Variants in GPM6A observed in about 807,000 individuals in gnomAD.
GPM6A encodes neuronal membrane glycoprotein M6-a.
Under a neutral mutation model 32.1 loss-of-function variants are expected in GPM6A, and 7 were observed. That is an observed-to-expected ratio of 0.22 (90% CI 0.12 to 0.41). The LOEUF (loss-of-function observed/expected upper bound fraction) is 0.41. Among genes scored for constraint, GPM6A ranks in the 10% least tolerant of loss-of-function variants. The pLI is 1.00. For synonymous variants in GPM6A, 130 were observed against 123.4 expected, an observed-to-expected ratio of 1.05 and a Z score of -0.35; for missense variants, 235 against 347.2, an observed-to-expected ratio of 0.68 and a Z score of 2.57.
chr4:175,637,305 TATATATA>T (rs558226412), intron 6 of GPM6A, among the ~76,000 whole-genome samples: 13 of 78,744 alleles, frequency 1.7e-4, no homozygotes, highest in African/African-American at 4.6e-4. Context: ...TATTATATAT[TATATATA>T]ATATAAAATA....
intron 1 of GPM6A, among the ~76,000 whole-genome samples, chr4:175,742,546 A>T (rs972296194): frequency 6.6e-6 from 1 of 152,208 alleles, no homozygotes; most frequent in African/African-American, 2.4e-5. Flanking sequence ...TCTATTATTC[A>T]GAAAAGAATA....
At chr4:175,769,026 T>C (rs550714636) in intron 1 of GPM6A, among the ~76,000 whole-genome samples, 86 of 151,632 alleles carry the variant, frequency 5.7e-4, no homozygotes, top group Middle Eastern at 3.4e-3. Context: ...ACCCGGGAGG[T>C]GGAGGTTGCA....
chr4:175,704,740 T>C (rs1054992751), intron 1 of GPM6A, among the ~76,000 whole-genome samples: 4 of 152,202 alleles, frequency 2.6e-5, no homozygotes, highest in African/African-American at 7.2e-5. Context: ...AGATTTCTAC[T>C]GCAGACAATC....
chr4:175,643,102 G>A (rs777954957), intron 4 of GPM6A, among the ~76,000 whole-genome samples: 17 of 151,918 alleles, frequency 1.1e-4, no homozygotes, highest in Non-Finnish European at 1.9e-4. Context: ...TAATCAGACC[G>A]ATTCTTCCCA....
intron 1 of GPM6A, among the ~76,000 whole-genome samples, chr4:175,894,321 A>G (rs1737732504): frequency 6.6e-6 from 1 of 152,184 alleles, no homozygotes; most frequent in Non-Finnish European, 1.5e-5. Context: ...GAAATCATCT[A>G]TATCTAATCT....
chr4:175,809,462 T>C (rs545234756), intron 1 of GPM6A, among the ~76,000 whole-genome samples: 1 of 152,064 alleles, frequency 6.6e-6, no homozygotes, highest in Non-Finnish European at 1.5e-5. Context: ...TTAGAGGCCA[T>C]GTTTTACCAA....
At chr4:175,690,885 A>G (rs1282826209) in intron 2 of GPM6A, among the ~76,000 whole-genome samples, 1 of 152,250 alleles carries the variant, frequency 6.6e-6, no homozygotes, top group African/African-American at 2.4e-5. Context: ...TTGAAGTTGA[A>G]TGCTAATTCC....
chr4:175,962,438 A>G lies in GPM6A; in HGVS notation c.-23+39871T>C. On this transcript the variant is annotated intron_variant, in intron 1 of 7. Coordinates refer to the GPM6A transcript ENST00000280187. ...GGGAGCAAAAGCAAGCCTGCCACCA[A>G]CCTAGGACAATAAGGCAACCTTTTT... is the stretch of plus-strand genomic sequence containing the variant. 2.9e-6 allele frequency: 2 copies of G among 693,328 alleles called. 1 individual carries two copies. Among genetic ancestry groups the G allele is most frequent in the South Asian group, 2.8e-5 (2 of 71,970 alleles). 42.9% of individuals were successfully genotyped at this position (693,328 alleles called of 1,614,324 possible). A position where few individuals can be genotyped will look rare whatever the true frequency, so the allele number is the denominator to read the frequency against.
chr4:175,761,473 T>C (rs1378922390), intron 1 of GPM6A, among the ~76,000 whole-genome samples: 1 of 152,204 alleles, frequency 6.6e-6, no homozygotes, highest in Non-Finnish European at 1.5e-5. Context: ...ACAATGTTAC[T>C]ATAACCTAAT....
Position 175,660,600 on chromosome 4 carries a change from T to G in GPM6A, c.388-8613A>C, listed in dbSNP as rs148443344. ...ATAACAAAAATATTGCTGGAAAAAG[T>G]GTACACTAATATAATCACAATTTTT... On this transcript the variant is annotated intron_variant, in intron 3 of 6. Transcript: ENST00000393658. Among the ~76,000 whole-genome samples, 16 of 152,222 alleles carry G rather than the reference T, an allele frequency of 1.1e-4. No homozygotes were observed. The East Asian group carries it at 2.9e-3, about 28-fold the overall frequency.
chr4:175,898,360 T>C lies in GPM6A; in HGVS notation c.-22-86111A>G, dbSNP rs1737857636. ...TCTGACCTACTTCTGTTTTTGACCT[T>C]GAACCTCTGTGAATTCCAAGCTGCT... On this transcript the variant is annotated intron_variant, in intron 1 of 7. Coordinates refer to the GPM6A transcript ENST00000280187. Among the ~76,000 whole-genome samples, 3 of 152,192 alleles carry C rather than the reference T, an allele frequency of 2.0e-5. No homozygotes were observed. The South Asian group carries it at 6.2e-4, about 31-fold the overall frequency.
At chr4:175,673,553 T>C (rs1743196375) in intron 3 of GPM6A, 127 bp downstream of exon 3, 2 of 572,126 alleles carry the variant, frequency 3.5e-6, no homozygotes, top group African/African-American at 1.9e-5. Flanking sequence ...AGATTTAAGA[T>C]AGCATCACAG....
chr4:175,770,863 C>A (rs925099873), intron 1 of GPM6A, among the ~76,000 whole-genome samples: 5 of 152,288 alleles, frequency 3.3e-5, no homozygotes, highest in African/African-American at 9.6e-5. Context: ...AGATCACTCA[C>A]AACAACCTAG....
chr4:175,822,097 A>C (rs955663035), intron 1 of GPM6A, among the ~76,000 whole-genome samples: 1 of 152,102 alleles, frequency 6.6e-6, no homozygotes, highest in African/African-American at 2.4e-5. Flanking sequence ...TCTGAGGTTC[A>C]TTTATTATAA....
intron 1 of GPM6A, among the ~76,000 whole-genome samples, chr4:175,752,948 G>A (rs1732393986): frequency 6.6e-6 from 1 of 152,142 alleles, no homozygotes; most frequent in African/African-American, 2.4e-5. Context: ...AACAACTAAA[G>A]ACAGAATGTT....
intron 6 of GPM6A, among the ~76,000 whole-genome samples, chr4:175,639,888 T>C (rs1172122268): frequency 6.6e-6 from 1 of 152,150 alleles, no homozygotes; most frequent in Non-Finnish European, 1.5e-5. Flanking sequence ...AGTAATCTAA[T>C]ATCTAAAATC....
rs569312282 is a variant in GPM6A at position 175,996,863 on chromosome 4, G to A, written c.-23+5446C>T. 2.0e-5 allele frequency among the ~76,000 whole-genome samples: 3 copies of A among 152,038 alleles called. No homozygotes were observed. In the South Asian group the frequency reaches 6.2e-4, roughly 32 times the overall value. ...GCTACCCTCAATTTCTCCTTTCCTCGTATGAGCTGGCTGCTCCTCACATCA... is the reference window on the plus strand; with the variant it reads ...GCTACCCTCAATTTCTCCTTTCCTCATATGAGCTGGCTGCTCCTCACATCA... On this transcript the variant is annotated intron_variant, in intron 1 of 7. Coordinates refer to the GPM6A transcript ENST00000280187.
At chr4:175,645,078 C>T (rs531586505) in intron 4 of GPM6A, among the ~76,000 whole-genome samples, 65 of 152,082 alleles carry the variant, frequency 4.3e-4, no homozygotes, top group African/African-American at 1.1e-3. Flanking sequence ...CCAGCCTGGG[C>T]GACAGAGTGA....
intron 1 of GPM6A, among the ~76,000 whole-genome samples, chr4:175,973,786 C>G (rs1272614960): frequency 6.6e-6 from 1 of 152,194 alleles, no homozygotes; most frequent in African/African-American, 2.4e-5. Context: ...CCCAGACTCT[C>G]ATTACTCTGG....
Sources: gnomAD v4.1 joint callset for allele counts (sites outside exome capture counted in the v4.1 genomes callset) on GRCh38, gnomAD v4.1.1 for gene constraint, MANE v1.5 for transcripts, NCBI Gene and HGNC (gene_info 2026-07-23, HGNC 2026-07-21) for gene names.